Variants in DYSF observed in about 807,000 individuals in gnomAD.
DYSF encodes dystrophy-associated fer-1-like 1.
A neutral mutation model predicts 274.9 loss-of-function variants in DYSF; 212 were observed. That is an observed-to-expected ratio of 0.77 (90% CI 0.69 to 0.86). DYSF has a LOEUF of 0.86. Among genes scored for constraint, DYSF ranks in the 40% least tolerant of loss-of-function variants. The pLI is 0.00. For missense variants in DYSF, 2,666 were observed against 2,783.2 expected (o/e 0.96, Z 0.95); for synonymous variants, 1,091 against 1,078.7 (o/e 1.01, Z -0.22).
At chr2:71,580,940 CAT>C (rs1467286518) in intron 30 of DYSF, among the ~76,000 whole-genome samples, 2 of 152,216 alleles carry the variant, frequency 1.3e-5, no homozygotes, top group Admixed American at 1.3e-4. Context: ...CAGTTGGGCA[CAT>C]GTGTTGAGTA....
At chr2:71,623,314 G>A (rs62145901) in intron 41 of DYSF, among the ~76,000 whole-genome samples, 96,997 of 136,218 alleles carry the variant, frequency 0.71, 36,692 homozygotes, top group East Asian at 0.88. Flanking sequence ...TCCCAATGCT[G>A]TCCCTCCCCC....
At chr2:71,564,365 C>T (rs948518402) in intron 24 of DYSF, 152 bp downstream of exon 24, 13 of 1,166,272 alleles carry the variant, frequency 1.1e-5, no homozygotes, top group South Asian at 1.4e-5. Flanking sequence ...AAACAATTTC[C>T]CTTTTCCTCG....
intron 40 of DYSF, among the ~76,000 whole-genome samples, chr2:71,619,534 G>C (rs2094040461): frequency 6.6e-6 from 1 of 152,148 alleles, no homozygotes; most frequent in Admixed American, 6.5e-5. Context: ...GAGGAAGGCA[G>C]GGCAGCCTGG....
At chr2:71,651,154 A>G (rs960002997) in intron 42 of DYSF, among the ~76,000 whole-genome samples, 3 of 152,144 alleles carry the variant, frequency 2.0e-5, no homozygotes, top group Non-Finnish European at 4.4e-5. Context: ...AAAAGCCCTT[A>G]AAACAGCAGG....
At chr2:71,478,836 C>CTCT (rs1553506994) in intron 1 of DYSF, among the ~76,000 whole-genome samples, 1 of 152,006 alleles carries the variant, frequency 6.6e-6, no homozygotes, top group Admixed American at 6.6e-5. Context: ...CTCTCTTTCT[C>CTCT]TTTTTTTCTC....
chr2:71,611,510 A>G lies in DYSF; in HGVS notation c.4105A>G (p.Asn1369Asp). The change falls in exon 38 of 56, where the codon AAC becomes GAC. Residue 1369 changes from asparagine to aspartate, a missense_variant. Physicochemically the swap from Asn to Asp is conservative, Grantham distance 23. Transcript: ENST00000410020. ...LRNMKSYQLA[N>D]ISSPSLVVEC... Reference sequence around the variant, plus strand: ...GAACATGAAGAGTTACCAGCTGGCCAACATCTCCTCCCCCAGCCTCGTGGT... The same window carrying G: ...GAACATGAAGAGTTACCAGCTGGCCGACATCTCCTCCCCCAGCCTCGTGGT... The G allele has an allele frequency of 1.2e-6, 2 of 1,614,180 alleles. No individual in the cohort carries two copies. Among genetic ancestry groups the G allele is most frequent in the Non-Finnish European group, 1.7e-6 (2 of 1,180,024 alleles).
intron 16 of DYSF, among the ~76,000 whole-genome samples, chr2:71,537,218 GTTTTGTTTT>G (rs1428318948): frequency 4.6e-4 from 22 of 47,702 alleles, no homozygotes; most frequent in Admixed American, 3.2e-3. Flanking sequence ...TTACTTTCTA[GTTTTGTTTT>G]TTTTTTTTTT....
At chr2:71,486,868 G>T (rs1320473667) in intron 3 of DYSF, among the ~76,000 whole-genome samples, 2 of 152,184 alleles carry the variant, frequency 1.3e-5, no homozygotes, top group African/African-American at 4.8e-5. Context: ...CTGTTTACTC[G>T]AGGCTTCTCA....
At chr2:71,602,284 TAG>T (rs1028066637) in intron 35 of DYSF, among the ~76,000 whole-genome samples, 3 of 152,178 alleles carry the variant, frequency 2.0e-5, no homozygotes, top group African/African-American at 7.2e-5. Flanking sequence ...ACACAATTTT[TAG>T]AGAGTTCTTG....
intron 52 of DYSF, among the ~76,000 whole-genome samples, chr2:71,676,844 G>A (rs1168829567): frequency 1.3e-5 from 2 of 151,906 alleles, no homozygotes; most frequent in African/African-American, 2.4e-5. Flanking sequence ...AAAGGTAATG[G>A]TTAAGCACCT....
intron 41 of DYSF, among the ~76,000 whole-genome samples, chr2:71,638,439 A>G (rs1419767986): frequency 1.3e-5 from 2 of 151,652 alleles, no homozygotes; most frequent in East Asian, 1.9e-4. Context: ...TTTTTCCATG[A>G]CAGATTAGAT....
At chr2:71,467,236 G>A (rs1479415642) in intron 1 of DYSF, among the ~76,000 whole-genome samples, 1 of 152,236 alleles carries the variant, frequency 6.6e-6, no homozygotes, top group African/African-American at 2.4e-5. Context: ...ACTGGGTAGT[G>A]GGGATAAGGG....
chr2:71,499,049 A>C (rs1427692931), intron 3 of DYSF, among the ~76,000 whole-genome samples: 1 of 152,254 alleles, frequency 6.6e-6, no homozygotes, highest in African/African-American at 2.4e-5. Context: ...AAAAACAGAA[A>C]CTATATTTAA....
rs72902605 is a variant in DYSF at position 71,574,167 on chromosome 2, G to A, written c.3229-31G>A. On this transcript the variant is annotated intron_variant, in intron 29 of 55. Coordinates refer to ENST00000410020, the MANE Select transcript of DYSF (RefSeq NM_001130987.2). Reference sequence around the variant, plus strand: ...CAGAACTCCCCCCAGCCTTCCCACCGGCCTCTGAGTCTGCCCCTTCTCTTG... The same window carrying A: ...CAGAACTCCCCCCAGCCTTCCCACCAGCCTCTGAGTCTGCCCCTTCTCTTG... 9.6e-3 allele frequency: 15,403 copies of A among 1,609,936 alleles called. 1,125 individuals are homozygous for A. The African/African-American group carries it at 0.17, about 18-fold the overall frequency.
rs750681135 is a variant in DYSF, at chr2:71,561,946, T to A, written c.2409+2T>A. The A allele has an allele frequency of 6.2e-7, 1 of 1,612,774 alleles. No homozygotes were observed. The highest frequency in any genetic ancestry group is 1.1e-5 in the South Asian group (1 of 90,904). ...CGTCTGCGTGCCCTGGCAGAGGAGGTAATTAAGCCTGGGGGTGCCTTTCTT... is the reference window on the plus strand; with the variant it reads ...CGTCTGCGTGCCCTGGCAGAGGAGGAAATTAAGCCTGGGGGTGCCTTTCTT... On this transcript the variant is annotated splice_donor_variant, in intron 23 of 55. Coordinates refer to ENST00000410020, the MANE Select transcript of DYSF (RefSeq NM_001130987.2). LOFTEE classifies it high-confidence loss of function.
At chr2:71,564,395 G>A (rs998501448) in intron 24 of DYSF, among the ~76,000 whole-genome samples, 182 bp downstream of exon 24, 1 of 152,216 alleles carries the variant, frequency 6.6e-6, no homozygotes, top group Non-Finnish European at 1.5e-5. Context: ...GAAGTCCCCA[G>A]GCCCCTGCAC....
intron 19 of DYSF, 87 bp from the exon 20 acceptor site, chr2:71,552,924 G>T: frequency 1.4e-6 from 2 of 1,430,930 alleles, no homozygotes; most frequent in South Asian, 2.4e-5. Flanking sequence ...GGTTATGGCC[G>T]GGGCCTGCCA....
intron 54 of DYSF, 28 bp downstream of exon 54, chr2:71,681,138 G>A (rs1427301273): frequency 1.3e-6 from 2 of 1,597,362 alleles, no homozygotes; most frequent in Non-Finnish European, 8.6e-7. Flanking sequence ...GAGCCCCAAT[G>A]CCCACAGGTC....
At chr2:71,542,882 C>T (rs1247609874) in intron 17 of DYSF, among the ~76,000 whole-genome samples, 1 of 152,268 alleles carries the variant, frequency 6.6e-6, no homozygotes, top group African/African-American at 2.4e-5. Context: ...CAATGAGCTG[C>T]TGGGTACACC....
Sources: allele counts gnomAD v4.1 joint callset (sites outside exome capture counted in the v4.1 genomes callset), GRCh38; gene constraint gnomAD v4.1.1; transcripts MANE v1.5; gene names NCBI Gene and HGNC (gene_info 2026-07-23, HGNC 2026-07-21).